The following IL1RAPL2 variants were observed in gnomAD, a reference collection of about 807,000 sequenced individuals.
IL1RAPL2 encodes the protein interleukin 1 receptor accessory protein like 2, also known as X-linked interleukin-1 receptor accessory protein-like 2.
Under a neutral mutation model 44.1 loss-of-function variants are expected in IL1RAPL2, and 3 were observed. The observed-to-expected ratio is 0.07, with a 90% CI of 0.03 to 0.18. IL1RAPL2 has a LOEUF of 0.18. Among genes scored for constraint, IL1RAPL2 ranks in the 10% least tolerant of loss-of-function variants. The probability of loss-of-function intolerance (pLI) is 1.00; values close to 1 mark genes in which losing one functional copy is unlikely to be tolerated. For missense variants in IL1RAPL2, 391 were observed against 496.4 expected (o/e 0.79, Z 2.02); for synonymous variants, 181 against 178.8 (o/e 1.01, Z -0.10).
chrX:105,508,651 G>GAA (rs113178674), intron 6 of IL1RAPL2, among the ~76,000 whole-genome samples: 16 of 96,993 alleles, frequency 1.6e-4, no homozygotes, highest in African/African-American at 5.9e-4. Flanking sequence ...TGGCAGAAAA[G>GAA]AAAAAAAAAA....
intron 2 of IL1RAPL2, among the ~76,000 whole-genome samples, chrX:104,947,617 T>A (rs1269257548): frequency 1.9e-5 from 2 of 105,347 alleles, no homozygotes; most frequent in South Asian, 4.6e-4. Flanking sequence ...AGGGATCCAG[T>A]TTCAGCTTTC....
intron 2 of IL1RAPL2, among the ~76,000 whole-genome samples, chrX:105,007,946 A>G (rs1172409322): frequency 1.7e-5 from 2 of 114,805 alleles, no homozygotes; most frequent in African/African-American, 3.1e-5. Flanking sequence ...TTTTAGCACT[A>G]TAAACACTAT....
chrX:105,447,558 T>C (rs1450529704), intron 5 of IL1RAPL2, among the ~76,000 whole-genome samples: 13 of 73,886 alleles, frequency 1.8e-4, no homozygotes, highest in Non-Finnish European at 2.5e-4. Flanking sequence ...TATAAATAAA[T>C]ATAAATATAT....
intron 1 of IL1RAPL2, among the ~76,000 whole-genome samples, chrX:104,656,108 T>C (rs1370448627): frequency 9.0e-6 from 1 of 111,279 alleles, no homozygotes; most frequent in Non-Finnish European, 1.9e-5. Context: ...ATTTTTTTGA[T>C]CTTTTCAAAA....
intron 2 of IL1RAPL2, among the ~76,000 whole-genome samples, chrX:105,180,418 A>C (rs1223825990): frequency 3.6e-5 from 4 of 111,944 alleles, no homozygotes; most frequent in Non-Finnish European, 5.6e-5. Flanking sequence ...CAGATTTTAG[A>C]GGAAAGGCTT....
At chrX:105,598,735 G>A (rs1452655043) in intron 6 of IL1RAPL2, among the ~76,000 whole-genome samples, 1 of 111,713 alleles carries the variant, frequency 9.0e-6, no homozygotes, top group Non-Finnish European at 1.9e-5. Context: ...TACCTGCAAT[G>A]TAACCTCCTC....
intron 1 of IL1RAPL2, among the ~76,000 whole-genome samples, chrX:104,585,345 A>ATATATAG (rs1928524544): frequency 1.7e-4 from 2 of 11,976 alleles, no homozygotes; most frequent in South Asian, 2.2e-3. Flanking sequence ...ATTATATATT[A>ATATATAG]TATATATTAT....
At chrX:105,284,910 T>C (rs754406170) in intron 5 of IL1RAPL2, among the ~76,000 whole-genome samples, 37 of 111,833 alleles carry the variant, frequency 3.3e-4, no homozygotes, top group Admixed American at 8.6e-4. Context: ...GTCTAATTAC[T>C]GGAGGGCCTT....
intron 2 of IL1RAPL2, among the ~76,000 whole-genome samples, chrX:104,913,307 G>A (rs748165560): frequency 3.6e-5 from 4 of 111,787 alleles, no homozygotes; most frequent in East Asian, 5.6e-4. Flanking sequence ...CAGAAACACA[G>A]TGTTCAAGTA....
At chrX:105,024,810 A>G (rs1200536208) in intron 2 of IL1RAPL2, among the ~76,000 whole-genome samples, 1 of 111,392 alleles carries the variant, frequency 9.0e-6, no homozygotes, top group African/African-American at 3.2e-5. Flanking sequence ...TCAGTTACAG[A>G]TTTGTCCAGG....
intron 2 of IL1RAPL2, among the ~76,000 whole-genome samples, chrX:104,928,553 T>TTC (rs887674460): frequency 5.4e-5 from 6 of 111,520 alleles, no homozygotes; most frequent in African/African-American, 2.0e-4. Context: ...AAAAATTGTT[T>TTC]TCTCTCTCCT....
chrX:105,336,711 A>G lies in IL1RAPL2; in HGVS notation c.697+69170A>G, dbSNP rs142605736. Reference sequence around the variant, plus strand: ...CTGAATTCAAAATACAAACTTCCAGATGCTCTGCTGGCAAAGTCATCATGG... The same window carrying G: ...CTGAATTCAAAATACAAACTTCCAGGTGCTCTGCTGGCAAAGTCATCATGG... On this transcript the variant is annotated intron_variant, in intron 5 of 10. Transcript: ENST00000372582. Among the ~76,000 whole-genome samples the G allele has an allele frequency of 3.2e-3, 356 of 111,986 alleles. 7 individuals are homozygous for G. In the East Asian group the frequency reaches 0.084, roughly 26 times the overall value.
chrX:104,742,936 G>A (rs938745664), intron 2 of IL1RAPL2, among the ~76,000 whole-genome samples: 2 of 111,751 alleles, frequency 1.8e-5, no homozygotes, highest in Non-Finnish European at 3.8e-5. Flanking sequence ...GTGACTTCAG[G>A]TTTAATGCAT....
At chrX:104,689,847 T>C (rs1018700181) in intron 2 of IL1RAPL2, among the ~76,000 whole-genome samples, 3 of 112,072 alleles carry the variant, frequency 2.7e-5, no homozygotes, top group Admixed American at 9.5e-5. Flanking sequence ...TAGATGGTAA[T>C]GACCTCAAAG....
intron 1 of IL1RAPL2, among the ~76,000 whole-genome samples, chrX:104,607,584 A>G (rs1929043843): frequency 8.9e-6 from 1 of 112,386 alleles, no homozygotes; most frequent in African/African-American, 3.2e-5. Context: ...ATATGAACAT[A>G]CACTTCTCTA....
At chrX:105,464,014 C>T (rs1052755617) in intron 5 of IL1RAPL2, among the ~76,000 whole-genome samples, 3 of 112,219 alleles carry the variant, frequency 2.7e-5, no homozygotes, top group Non-Finnish European at 5.6e-5. Flanking sequence ...ACTTCAAAAT[C>T]TTCTATTTAT....
chrX:105,137,187 C>T (rs1391055294), intron 2 of IL1RAPL2, among the ~76,000 whole-genome samples: 1 of 111,776 alleles, frequency 8.9e-6, no homozygotes, highest in Non-Finnish European at 1.9e-5. Context: ...TTGTGTTGTC[C>T]AATGTAATAG....
intron 3 of IL1RAPL2, among the ~76,000 whole-genome samples, chrX:105,225,113 C>G (rs1556187159): frequency 8.9e-6 from 1 of 111,890 alleles, no homozygotes; most frequent in African/African-American, 3.3e-5. Context: ...CATATTGCAA[C>G]TGCCTTTCCC....
chrX:105,272,747 C>G (rs758243087), intron 5 of IL1RAPL2, among the ~76,000 whole-genome samples: 2 of 112,625 alleles, frequency 1.8e-5, no homozygotes, highest in Non-Finnish European at 3.7e-5. Flanking sequence ...TATGTTCAAA[C>G]GCATGGCTTT....
Sources: allele counts gnomAD v4.1 joint callset (sites outside exome capture counted in the v4.1 genomes callset), GRCh38; gene constraint gnomAD v4.1.1; transcripts MANE v1.5; gene names NCBI Gene and HGNC (gene_info 2026-07-23, HGNC 2026-07-21).